The following STPG2 variants were observed in gnomAD, a reference collection of about 807,000 sequenced individuals.
The protein encoded by STPG2 is sperm-tail PG-rich repeat-containing protein 2.
In STPG2, 56 loss-of-function variants were observed where a neutral mutation model predicts 54.2. That is an observed-to-expected ratio of 1.03 (90% CI 0.83 to 1.29). STPG2 has a LOEUF of 1.29. STPG2 is among the 50% of genes most tolerant of loss of function. The probability of loss-of-function intolerance (pLI) is 0.00; values close to 1 mark genes in which losing one functional copy is unlikely to be tolerated. For synonymous variants in STPG2, 200 were observed against 181.8 expected (o/e 1.10, Z -0.81); for missense variants, 596 against 544.9 (o/e 1.09, Z -0.93).
At chr4:97,826,119 C>G (rs1021295653) in intron 9 of STPG2, among the ~76,000 whole-genome samples, 1 of 152,196 alleles carries the variant, frequency 6.6e-6, no homozygotes, top group African/African-American at 2.4e-5. Context: ...ATAGGCTCCA[C>G]ACCTGGTACA....
At chr4:97,735,110 T>C (rs1157178842) in intron 9 of STPG2, among the ~76,000 whole-genome samples, 1 of 150,478 alleles carries the variant, frequency 6.6e-6, no homozygotes, top group Non-Finnish European at 1.5e-5. Flanking sequence ...AAGGAAACAA[T>C]CAATAAAAAG....
At position 97,943,974 on chromosome 4, in the gene STPG2, C is replaced by T; in HGVS notation, c.967G>A (p.Asp323Asn). 6.2e-7 allele frequency: 1 copy of T among 1,606,810 alleles called. No homozygotes were observed. Among genetic ancestry groups the T allele is most frequent in the Non-Finnish European group, 8.5e-7 (1 of 1,177,680 alleles). ...FWHSQGVGIS[D>N]ELPNLTNKYA... ...TTGTTAGTCAAGTTAGGTAATTCAT[C>T]AGAAATTCCCACACCCTGTGAATGC... is the stretch of plus-strand genomic sequence containing the variant. Residue 323 changes from aspartate to asparagine, a missense_variant, in exon 8 of 11, where the codon GAT becomes AAT. Coordinates refer to ENST00000295268, the MANE Select transcript of STPG2 (RefSeq NM_174952.3).
intron 9 of STPG2, among the ~76,000 whole-genome samples, chr4:97,754,111 G>C (rs1725660983): frequency 6.6e-6 from 1 of 151,990 alleles, no homozygotes; most frequent in Admixed American, 6.6e-5. Context: ...TTTAGGTCTT[G>C]AATAAACTTT....
At chr4:97,836,094 A>G (rs185730095) in intron 9 of STPG2, among the ~76,000 whole-genome samples, 3 of 152,180 alleles carry the variant, frequency 2.0e-5, no homozygotes, top group Admixed American at 6.6e-5. Flanking sequence ...TAGATGATAA[A>G]ACAGTTGTAG....
intron 9 of STPG2, among the ~76,000 whole-genome samples, chr4:97,831,570 T>C (rs1264862990): frequency 2.0e-5 from 3 of 151,928 alleles, no homozygotes; most frequent in Non-Finnish European, 4.4e-5. Flanking sequence ...TTTCAAAAAA[T>C]CAATGAATCC....
intron 8 of STPG2, among the ~76,000 whole-genome samples, chr4:97,895,894 C>A (rs534403976): frequency 6.6e-6 from 1 of 151,902 alleles, no homozygotes; most frequent in East Asian, 1.9e-4. Flanking sequence ...TTTAAGTGGT[C>A]TTGGGTACTT....
chr4:98,047,356 T>C (rs532956157), intron 5 of STPG2, among the ~76,000 whole-genome samples: 3 of 151,470 alleles, frequency 2.0e-5, no homozygotes, highest in Non-Finnish European at 4.4e-5. Flanking sequence ...TATTTAAACT[T>C]CCCTAGAGGT....
At chr4:97,940,657 T>C (rs891629670) in intron 8 of STPG2, among the ~76,000 whole-genome samples, 1 of 152,176 alleles carries the variant, frequency 6.6e-6, no homozygotes, top group African/African-American at 2.4e-5. Flanking sequence ...TTAGACCTGT[T>C]AGGTTCTTTT....
At chr4:97,607,926 C>T (rs1051802758) in intron 10 of STPG2, among the ~76,000 whole-genome samples, 3 of 152,000 alleles carry the variant, frequency 2.0e-5, no homozygotes, top group African/African-American at 7.2e-5. Flanking sequence ...TTTTATACAC[C>T]TGTCAGCCCA....
At chr4:97,625,337 A>G (rs886148101) in intron 10 of STPG2, among the ~76,000 whole-genome samples, 1 of 152,104 alleles carries the variant, frequency 6.6e-6, no homozygotes, top group African/African-American at 2.4e-5. Flanking sequence ...GCCTCTTCCA[A>G]TCTCTCTCTG....
At position 97,922,743 on chromosome 4, in the gene STPG2, G is replaced by A. The variant is rs552591406; in HGVS notation, c.1044+21154C>T. On this transcript the variant is annotated intron_variant, in intron 8 of 10. Transcript: ENST00000295268. ...GCATATGCAAGGTTAGGGGAAGAAG[G>A]GATTTCCCCTTTTCAATAGGCTTCT... 2.4e-4 allele frequency among the ~76,000 whole-genome samples: 37 copies of A among 152,258 alleles called. No homozygotes were observed. In the South Asian group the frequency reaches 7.5e-3, roughly 31 times the overall value.
In STPG2 at chr4:97,654,303, T is replaced by C. The variant is rs111707128; in HGVS notation, c.1320+58396A>G. ...TCACCAAGCAATACACATTTTAAAATATTTGGACTTTGCATATTAAAATTA... is the reference window on the plus strand; with the variant it reads ...TCACCAAGCAATACACATTTTAAAACATTTGGACTTTGCATATTAAAATTA... On this transcript the variant is annotated intron_variant, in intron 10 of 10. Coordinates refer to ENST00000295268, the MANE Select transcript of STPG2 (RefSeq NM_174952.3). Among the ~76,000 whole-genome samples the C allele has an allele frequency of 5.5e-3, 832 of 152,230 alleles. 6 individuals carry two copies. The highest frequency in any genetic ancestry group is 0.02 in the Middle Eastern group (6 of 294).
At chr4:98,050,532 A>G (rs1315951489) in intron 5 of STPG2, among the ~76,000 whole-genome samples, 6 of 152,104 alleles carry the variant, frequency 3.9e-5, no homozygotes, top group Non-Finnish European at 8.8e-5. Context: ...AAGGCATCTG[A>G]CAGAGAGCTC....
At chr4:98,021,157 G>C (rs1429821362) in intron 5 of STPG2, among the ~76,000 whole-genome samples, 1 of 147,172 alleles carries the variant, frequency 6.8e-6, no homozygotes, top group Non-Finnish European at 1.5e-5. Flanking sequence ...TGGGCATTTA[G>C]TGCTATAAAT....
chr4:97,815,616 T>C (rs908936530), intron 9 of STPG2, among the ~76,000 whole-genome samples: 1 of 152,194 alleles, frequency 6.6e-6, no homozygotes, highest in African/African-American at 2.4e-5. Flanking sequence ...TTTTACATAA[T>C]ACCATTTAAG....
intron 5 of STPG2, among the ~76,000 whole-genome samples, chr4:98,014,921 A>G (rs760854378): frequency 6.6e-6 from 1 of 152,164 alleles, no homozygotes; most frequent in Non-Finnish European, 1.5e-5. Flanking sequence ...CATTTAAAAT[A>G]TATCATCCCA....
In STPG2 at chr4:97,808,680, T is replaced by C. The variant is rs573446389; in HGVS notation, c.1204+32093A>G. On this transcript the variant is annotated intron_variant, in intron 9 of 10. Coordinates refer to ENST00000295268, the MANE Select transcript of STPG2 (RefSeq NM_174952.3). ...AAAAGATAAAAATTTTTAAATTAGA[T>C]ATAAAAAGACAAAAACCAAAAAAAA... Among the ~76,000 whole-genome samples the C allele has an allele frequency of 5.2e-3, 623 of 120,622 alleles. 2 individuals are homozygous for C. The highest frequency in any genetic ancestry group is 0.031 in the South Asian group (114 of 3,734). 79.1% of individuals were successfully genotyped at this position (120,622 alleles called of 152,430 possible).
chr4:97,642,266 C>T (rs560799922), intron 10 of STPG2, among the ~76,000 whole-genome samples: 16 of 151,198 alleles, frequency 1.1e-4, no homozygotes, highest in East Asian at 1.9e-4. Flanking sequence ...ATAATTCATA[C>T]ATTTTATATG....
chr4:98,010,201 C>T (rs527775113), intron 5 of STPG2, among the ~76,000 whole-genome samples: 1 of 151,856 alleles, frequency 6.6e-6, no homozygotes, highest in Admixed American at 6.6e-5. Flanking sequence ...TTATTTAAGT[C>T]GTTCTACTAT....
Sources: gnomAD v4.1 joint callset for allele counts (sites outside exome capture counted in the v4.1 genomes callset) on GRCh38, gnomAD v4.1.1 for gene constraint, MANE v1.5 for transcripts, NCBI Gene and HGNC (gene_info 2026-07-23, HGNC 2026-07-21) for gene names.